GASK1A: variants seen among roughly 807,000 people sequenced by gnomAD.
GASK1A encodes golgi associated kinase 1A, also known as Golgi-associated kinase 1A.
A neutral mutation model predicts 41.2 loss-of-function variants in GASK1A; 40 were observed. The observed-to-expected ratio is 0.97, with a 90% CI of 0.75 to 1.27. The LOEUF (loss-of-function observed/expected upper bound fraction) is 1.27. GASK1A is among the 50% of genes most tolerant of loss of function. GASK1A has a pLI of 0.00. For missense variants in GASK1A, 678 were observed against 745.1 expected (o/e 0.91, Z 1.05); for synonymous variants, 316 against 307.1 (o/e 1.03, Z -0.30).
At position 43,037,742 on chromosome 3, in the gene GASK1A, G is replaced by A. The variant is rs535153932; in HGVS notation, c.1290+4189G>A. On this transcript the variant is annotated intron_variant, in intron 2 of 4. Transcript: ENST00000430121. Reference sequence around the variant, plus strand: ...AAGCTTTAAACTGGTTATGACAAAAGCCTATAGTTGTGTTTCTTGAAGTAT... The same window carrying A: ...AAGCTTTAAACTGGTTATGACAAAAACCTATAGTTGTGTTTCTTGAAGTAT... Among the ~76,000 whole-genome samples, 127 of 152,306 alleles carry A rather than the reference G, an allele frequency of 8.3e-4. 1 individual carries two copies. In the South Asian group the frequency reaches 0.012, roughly 14 times the overall value.
chr3:42,993,248 T>A (rs1283436375), intron 1 of GASK1A, among the ~76,000 whole-genome samples: 1 of 152,220 alleles, frequency 6.6e-6, no homozygotes, highest in East Asian at 1.9e-4. Flanking sequence ...GTTTCTTCAA[T>A]AATGAATGTA....
rs1162955096 is a variant in GASK1A at position 43,055,465 on chromosome 3, A to G, written c.1447A>G (p.Ile483Val). Residue 483 changes from isoleucine (I) to valine (V), a missense_variant, in exon 4 of 5, where the codon ATC becomes GTC. Physicochemically the swap from Ile to Val is conservative, Grantham distance 29 (BLOSUM62 3). Transcript: ENST00000430121. ...CAGCGATCCATCTCACCTGGTCTACATCGATAACGCTGGCAACCTTCAGCA... is the reference window on the plus strand; with the variant it reads ...CAGCGATCCATCTCACCTGGTCTACGTCGATAACGCTGGCAACCTTCAGCA... ...RSSDPSHLVY[I>V]DNAGNLQHPE... is the part of the protein sequence containing the mutation. 6 of 1,551,694 alleles carry G rather than the reference A, an allele frequency of 3.9e-6. No homozygotes were observed. Among genetic ancestry groups the G allele is most frequent in the East Asian group, 2.4e-5 (1 of 40,904 alleles).
rs2089714131 is a variant in GASK1A at position 43,056,030 on chromosome 3, G to A, written c.1518-146G>A. ...GTCCTCTGTTAGTGAGATAGCAGGT[G>A]CAGGTCTGGGGAGTTTGCCAGGTGA... On this transcript the variant is annotated intron_variant, in intron 4 of 4. Transcript: ENST00000430121. 4 of 643,014 alleles carry A rather than the reference G, an allele frequency of 6.2e-6. No homozygotes were observed. The South Asian group carries it at 8.0e-5, about 13-fold the overall frequency. The allele number at this position is 643,014 out of a possible 1,614,324, so 39.8% of individuals were successfully genotyped here. A position where few individuals can be genotyped will look rare whatever the true frequency, so the allele number is the denominator to read the frequency against.
chr3:43,033,066 T>C lies in GASK1A; in HGVS notation c.803T>C (p.Met268Thr), dbSNP rs1240294976. The C allele has an allele frequency of 6.4e-7, 1 of 1,551,700 alleles. No homozygotes were observed. The highest frequency in any genetic ancestry group is 1.2e-5 in the South Asian group (1 of 84,066). ...PPWLTDHDVQ[M>T]LRLLAQGEVV... ...TGGCTGACAGACCACGATGTGCAGA[T>C]GCTCCGTCTGTTGGCACAGGGGGAG... The change falls in exon 2 of 5, where the codon ATG becomes ACG. Residue 268 changes from methionine to threonine, a missense_variant. Transcript: ENST00000430121.
intron 2 of GASK1A, among the ~76,000 whole-genome samples, chr3:43,041,955 G>A (rs1022330357): frequency 6.6e-6 from 1 of 152,142 alleles, no homozygotes; most frequent in African/African-American, 2.4e-5. Context: ...TCCCAGTGTG[G>A]GGAAGCATCT....
intron 1 of GASK1A, among the ~76,000 whole-genome samples, chr3:43,020,930 C>T (rs767673005): frequency 6.6e-6 from 1 of 152,250 alleles, no homozygotes; most frequent in Non-Finnish European, 1.5e-5. Flanking sequence ...GGGAAGTAGA[C>T]TGCATCTGCA....
chr3:43,052,490 C>T (rs2089696087), intron 2 of GASK1A, among the ~76,000 whole-genome samples: 1 of 152,158 alleles, frequency 6.6e-6, no homozygotes, highest in Non-Finnish European at 1.5e-5. Context: ...CCTAGGCATT[C>T]ATTGAGGTAT....
intron 3 of GASK1A, 75 bp from the exon 4 acceptor site, chr3:43,055,357 C>A: frequency 9.2e-7 from 1 of 1,089,840 alleles, no homozygotes; most frequent in Non-Finnish European, 1.4e-6. Context: ...GCCCCTTAAT[C>A]TTGACCAAGT....
At chr3:42,981,818 C>T (rs1559394771) in intron 1 of GASK1A, among the ~76,000 whole-genome samples, 1 of 152,144 alleles carries the variant, frequency 6.6e-6, no homozygotes, top group African/African-American at 2.4e-5. Context: ...TATATCATTT[C>T]CCATTATATG....
At chr3:43,037,397 C>T in intron 2 of GASK1A, 1 of 960,100 alleles carries the variant, frequency 1.0e-6, no homozygotes, top group Non-Finnish European at 1.7e-6. Flanking sequence ...GTACAGACAG[C>T]CCTTGCCACA....
intron 2 of GASK1A, among the ~76,000 whole-genome samples, chr3:43,043,485 C>T (rs976617457): frequency 6.6e-6 from 1 of 152,196 alleles, no homozygotes; most frequent in African/African-American, 2.4e-5. Context: ...TCAATTTGTT[C>T]TTGCATCCAA....
At chr3:43,017,298 G>A (rs1275443962) in intron 1 of GASK1A, among the ~76,000 whole-genome samples, 1 of 151,878 alleles carries the variant, frequency 6.6e-6, no homozygotes, top group African/African-American at 2.4e-5. Context: ...GAGGCAGTGT[G>A]AAGTCACAGG....
chr3:43,006,212 T>TGGTC (rs2089435374), intron 1 of GASK1A, among the ~76,000 whole-genome samples: 1 of 152,186 alleles, frequency 6.6e-6, no homozygotes, highest in African/African-American at 2.4e-5. Flanking sequence ...GTCGCTTTCT[T>TGGTC]GGTCGGTGCA....
intron 2 of GASK1A, among the ~76,000 whole-genome samples, chr3:43,043,277 C>A (rs780751583): frequency 4.6e-5 from 7 of 152,222 alleles, no homozygotes; most frequent in Non-Finnish European, 8.8e-5. Flanking sequence ...CTTCTGGACT[C>A]TACCAGACCC....
In GASK1A at chr3:43,057,292, A is replaced by G. The variant is rs969840497; in HGVS notation, c.*906A>G. 1 of 152,226 alleles carries G rather than the reference A, an allele frequency of 6.6e-6. No homozygotes were observed. The highest frequency in any genetic ancestry group is 1.5e-5 in the Non-Finnish European group (1 of 68,046). The allele number at this position is 152,226 out of a possible 1,614,324, so 9.4% of individuals were successfully genotyped here. A position where few individuals can be genotyped will look rare whatever the true frequency, so the allele number is the denominator to read the frequency against. ...CCATGAACATGATTGCATGGCGTGCAAGTATTTCTGCGAGGTAGATTTCCG... is the reference window on the plus strand; with the variant it reads ...CCATGAACATGATTGCATGGCGTGCGAGTATTTCTGCGAGGTAGATTTCCG... On this transcript the variant is annotated 3_prime_UTR_variant, in exon 5 of 5. Coordinates refer to ENST00000430121, the MANE Select transcript of GASK1A (RefSeq NM_001129908.3).
intron 2 of GASK1A, among the ~76,000 whole-genome samples, chr3:43,035,061 A>G (rs1189693807): frequency 6.6e-6 from 1 of 152,196 alleles, no homozygotes; most frequent in Non-Finnish European, 1.5e-5. Flanking sequence ...CCTGATGATC[A>G]AGAGCATGGG....
intron 1 of GASK1A, among the ~76,000 whole-genome samples, chr3:42,996,190 A>T (rs573792154): frequency 6.6e-6 from 1 of 152,316 alleles, no homozygotes; most frequent in African/African-American, 2.4e-5. Flanking sequence ...CAGTGCCAGG[A>T]TCCCTGCCAT....
At chr3:43,055,740 G>A (rs1045991743) in intron 4 of GASK1A, 1 of 557,782 alleles carries the variant, frequency 1.8e-6, no homozygotes, top group Non-Finnish European at 3.2e-6. Flanking sequence ...ATATCCAGAG[G>A]GCCTCGTGCC....
chr3:43,029,108 G>T (rs2089562093), intron 1 of GASK1A, among the ~76,000 whole-genome samples: 1 of 152,136 alleles, frequency 6.6e-6, no homozygotes, highest in African/African-American at 2.4e-5. Context: ...GGGAAGGTGA[G>T]CTTAAGTGGT....
Sources: allele counts gnomAD v4.1 joint callset (sites outside exome capture counted in the v4.1 genomes callset), GRCh38; gene constraint gnomAD v4.1.1; transcripts MANE v1.5; gene names NCBI Gene and HGNC (gene_info 2026-07-23, HGNC 2026-07-21).